POU2F1: variants seen among roughly 807,000 people sequenced by gnomAD.
POU2F1 encodes POU domain, class 2, transcription factor 1.
A neutral mutation model predicts 84.9 loss-of-function variants in POU2F1; 16 were observed. The observed-to-expected ratio is 0.19, with a 90% CI of 0.13 to 0.29. The LOEUF is 0.29. POU2F1 is among the 10% of genes least tolerant of loss of function. The pLI, the probability that POU2F1 is intolerant of heterozygous loss-of-function variation, is 1.00. For missense variants in POU2F1, 738 were observed against 942.6 expected, an observed-to-expected ratio of 0.78 and a Z score of 2.84; for synonymous variants, 368 against 368.3, an observed-to-expected ratio of 1.00 and a Z score of 0.01.
chr1:167,267,311 G>A (rs1270571491), intron 1 of POU2F1, among the ~76,000 whole-genome samples: 5 of 151,660 alleles, frequency 3.3e-5, no homozygotes, highest in Admixed American at 2.6e-4. Context: ...AGACCTGGAG[G>A]AATAAATACT....
intron 1 of POU2F1, among the ~76,000 whole-genome samples, chr1:167,245,601 C>T (rs1450727552): frequency 3.3e-5 from 5 of 151,962 alleles, no homozygotes; most frequent in East Asian, 1.9e-4. Flanking sequence ...TTAGTAGAGA[C>T]GGGGTTTCTC....
At chr1:167,370,532 C>T (rs1346403770) in intron 4 of POU2F1, among the ~76,000 whole-genome samples, 1 of 152,122 alleles carries the variant, frequency 6.6e-6, no homozygotes, top group African/African-American at 2.4e-5. Context: ...CTCTTAAATG[C>T]CAGTTTGTTT....
At chr1:167,250,235 C>T (rs1650622397) in intron 1 of POU2F1, among the ~76,000 whole-genome samples, 1 of 152,070 alleles carries the variant, frequency 6.6e-6, no homozygotes, top group South Asian at 2.1e-4. Flanking sequence ...GTTGGGCACT[C>T]ATCTTTAATT....
intron 1 of POU2F1, among the ~76,000 whole-genome samples, chr1:167,294,686 C>T (rs1654168341): frequency 6.6e-6 from 1 of 152,166 alleles, no homozygotes; most frequent in Non-Finnish European, 1.5e-5. Context: ...AATCATTAGT[C>T]ATCAGGGAAA....
chr1:167,415,627 T>C lies in POU2F1; in HGVS notation c.2118T>C (p.Ser706=). ...TGTTCCTGAACCCTCAGAACCTCTC[T>C]CTGCTCACCAGCAACCCTGTTAGCT... is the stretch of plus-strand genomic sequence containing the variant. ...APLFLNPQNL[S]LLTSNPVSLV... is the part of the protein sequence containing the mutation. The change falls in exon 16 of 16, where the codon TCT becomes TCC. Residue 706 remains serine (S), a synonymous_variant. Coordinates refer to ENST00000367866, the MANE Select transcript of POU2F1 (RefSeq NM_002697.4). 6.2e-7 allele frequency: 1 copy of C among 1,614,186 alleles called. No homozygotes were observed. Among genetic ancestry groups the C allele is most frequent in the Non-Finnish European group, 8.5e-7 (1 of 1,180,024 alleles).
intron 9 of POU2F1, among the ~76,000 whole-genome samples, chr1:167,390,239 C>A (rs1648299344): frequency 6.6e-6 from 1 of 152,154 alleles, no homozygotes; most frequent in Admixed American, 6.5e-5. Context: ...TTTTGTTAGC[C>A]TTTTCCTGCA....
rs751061891 is a variant in POU2F1 at position 167,415,837 on chromosome 1, C to G, written c.*27C>G. On this transcript the variant is annotated 3_prime_UTR_variant, in exon 16 of 16. Transcript: ENST00000367866. The stretch of plus-strand genomic sequence containing the variant: ...CTGGGCAGAGCTGGGCTGCCAGAAG[C>G]CTTTTTCACTCTGCAGTGTGATTGG... 1 of 1,590,984 alleles carries G rather than the reference C, an allele frequency of 6.3e-7. No homozygotes were observed. The highest frequency in any genetic ancestry group is 1.7e-4 in the Middle Eastern group (1 of 5,938).
intron 2 of POU2F1, among the ~76,000 whole-genome samples, chr1:167,361,061 C>T (rs1178863473): frequency 1.3e-5 from 2 of 151,900 alleles, no homozygotes; most frequent in African/African-American, 2.4e-5. Flanking sequence ...GATTTTTGTA[C>T]ATTGATTTCG....
At chr1:167,267,658 G>A (rs10918674) in intron 1 of POU2F1, among the ~76,000 whole-genome samples, 5 of 21,286 alleles carry the variant, frequency 2.3e-4, no homozygotes, top group African/African-American at 7.6e-4. Context: ...TTTTTTTTGA[G>A]ATGGAGTGTT....
At chr1:167,340,820 A>G (rs141906555) in intron 2 of POU2F1, among the ~76,000 whole-genome samples, 16 of 152,332 alleles carry the variant, frequency 1.1e-4, no homozygotes, top group African/African-American at 3.6e-4. Flanking sequence ...CAATAAATTT[A>G]TCTTATAGAG....
At chr1:167,306,798 A>T (rs781726287) in intron 1 of POU2F1, among the ~76,000 whole-genome samples, 10 of 152,158 alleles carry the variant, frequency 6.6e-5, no homozygotes, top group Non-Finnish European at 1.3e-4. Context: ...GATAGCAATC[A>T]TATTGGATTA....
chr1:167,348,458 A>G (rs952878430), intron 2 of POU2F1, among the ~76,000 whole-genome samples: 3 of 152,148 alleles, frequency 2.0e-5, no homozygotes, highest in Admixed American at 6.5e-5. Flanking sequence ...TCCACAATCA[A>G]TGTACAAGGA....
chr1:167,313,019 A>T (rs1260067444), intron 1 of POU2F1, among the ~76,000 whole-genome samples: 3 of 152,288 alleles, frequency 2.0e-5, no homozygotes, highest in Admixed American at 1.3e-4. Context: ...AGTTTTTTGT[A>T]AGTATGTTCA....
intron 13 of POU2F1, among the ~76,000 whole-genome samples, chr1:167,407,297 T>G (rs1451368715): frequency 6.6e-6 from 1 of 152,210 alleles, no homozygotes; most frequent in African/African-American, 2.4e-5. Context: ...CCCAAAGTGC[T>G]GGGATTACAG....
At chr1:167,389,876 A>G in intron 9 of POU2F1, 115 bp downstream of exon 9, 2 of 1,210,124 alleles carry the variant, frequency 1.7e-6, no homozygotes, top group South Asian at 2.9e-5. Context: ...AATATTTGGG[A>G]CGGGGGACGA....
intron 4 of POU2F1, 22 bp from the exon 5 acceptor site, chr1:167,371,894 AT>A (rs1481628566): frequency 1.2e-6 from 2 of 1,613,896 alleles, no homozygotes; most frequent in Non-Finnish European, 1.7e-6. Flanking sequence ...GCAATCTTTT[AT>A]TTCCTACCCA....
intron 1 of POU2F1, among the ~76,000 whole-genome samples, chr1:167,233,315 T>C (rs1649206272): frequency 1.3e-5 from 2 of 151,682 alleles, no homozygotes; most frequent in Non-Finnish European, 1.5e-5. Flanking sequence ...TTTTTTTTTT[T>C]TTTGTAGAGA....
chr1:167,383,884 C>T lies in POU2F1; in HGVS notation c.746C>T (p.Thr249Met), dbSNP rs777041003. The T allele has an allele frequency of 4.3e-6, 7 of 1,613,704 alleles. No individual in the cohort carries two copies. Among genetic ancestry groups the T allele is most frequent in the East Asian group, 4.5e-5 (2 of 44,882 alleles). ...CTCCTGCAAGCGCAAAATCTTCTAA[C>T]GCAACTACCTCAGCAAAGCCAAGCC... is the stretch of plus-strand genomic sequence containing the variant. ...QGLLQAQNLL[T>M]QLPQQSQANL... Residue 249 changes from threonine to methionine, a missense_variant, in exon 8 of 16, where the codon ACG (threonine) becomes ATG (methionine). Around this residue, in one of 4 missense-constraint regions of POU2F1, gnomAD observed 163 missense variants for 214.4 expected, o/e 0.76. Transcript: ENST00000367866.
intron 1 of POU2F1, among the ~76,000 whole-genome samples, chr1:167,318,528 A>G (rs746259061): frequency 6.6e-6 from 1 of 152,190 alleles, no homozygotes; most frequent in Non-Finnish European, 1.5e-5. Context: ...ACCAGGTCCA[A>G]TCCTGTTTAC....
Sources: gnomAD v4.1 joint callset for allele counts (sites outside exome capture counted in the v4.1 genomes callset) on GRCh38, gnomAD v4.1.1 for gene constraint, gnomAD v4.1.1 regional missense constraint, MANE v1.5 for transcripts, NCBI Gene and HGNC (gene_info 2026-07-23, HGNC 2026-07-21) for gene names.